CAAP1: variants seen among roughly 807,000 people sequenced by gnomAD.
CAAP1 encodes the protein caspase activity and apoptosis inhibitor 1.
CAAP1 carries 20 observed loss-of-function variants against 34.0 expected under a neutral mutation model. The ratio of observed to expected loss-of-function variants is 0.59; its 90% CI spans 0.41 to 0.86. CAAP1 has a LOEUF of 0.86. Among genes scored for constraint, CAAP1 ranks in the 40% least tolerant of loss-of-function variants. The probability of loss-of-function intolerance (pLI) is 0.00; values close to 1 mark genes in which losing one functional copy is unlikely to be tolerated. For synonymous variants in CAAP1, 213 were observed against 166.7 expected (o/e 1.28, Z -2.14); for missense variants, 538 against 450.5 (o/e 1.19, Z -1.76).
At chr9:26,883,921 T>G (rs1823662601) in intron 4 of CAAP1, among the ~76,000 whole-genome samples, 1 of 152,180 alleles carries the variant, frequency 6.6e-6, no homozygotes, top group South Asian at 2.1e-4. Context: ...ACTCTATGTT[T>G]TCATATAAAT....
chr9:26,868,387 G>A (rs1823190443), intron 4 of CAAP1, among the ~76,000 whole-genome samples: 1 of 152,202 alleles, frequency 6.6e-6, no homozygotes, highest in Admixed American at 6.5e-5. Context: ...ATGCTCTGAA[G>A]ATGAAGGAAA....
At chr9:26,886,074 T>C (rs759794647) in intron 3 of CAAP1, 30 bp downstream of exon 3, 27 of 1,167,796 alleles carry the variant, frequency 2.3e-5, no homozygotes, top group Non-Finnish European at 3.0e-5. Flanking sequence ...AACTAAGAAG[T>C]TGCCAGAATG....
At chr9:26,875,157 G>A (rs1823395771) in intron 4 of CAAP1, among the ~76,000 whole-genome samples, 1 of 152,166 alleles carries the variant, frequency 6.6e-6, no homozygotes, top group African/African-American at 2.4e-5. Context: ...GGCCAAGGCA[G>A]GTGGATCACT....
chr9:26,862,455 A>G (rs1401302063), intron 4 of CAAP1, among the ~76,000 whole-genome samples: 1 of 152,150 alleles, frequency 6.6e-6, no homozygotes. Context: ...AACATCACCA[A>G]TAAGAGGAGG....
At chr9:26,844,862 T>C (rs1160746384) in intron 5 of CAAP1, among the ~76,000 whole-genome samples, 1 of 152,232 alleles carries the variant, frequency 6.6e-6, no homozygotes, top group Non-Finnish European at 1.5e-5. Context: ...TATTCTTGAA[T>C]TCTATTTCAC....
chr9:26,849,564 C>A (rs1822693609), intron 5 of CAAP1, among the ~76,000 whole-genome samples: 1 of 151,794 alleles, frequency 6.6e-6, no homozygotes, highest in South Asian at 2.1e-4. Flanking sequence ...AATTTTTATT[C>A]TTATTATTGT....
chr9:26,877,135 C>A (rs963947621), intron 4 of CAAP1, among the ~76,000 whole-genome samples: 1 of 152,056 alleles, frequency 6.6e-6, no homozygotes, highest in Non-Finnish European at 1.5e-5. Context: ...AAGAGCGAGA[C>A]CTGCCTCTAA....
chr9:26,890,005 G>A (rs1393318592), intron 1 of CAAP1, among the ~76,000 whole-genome samples: 6 of 152,026 alleles, frequency 3.9e-5, no homozygotes, highest in Admixed American at 3.3e-4. Context: ...ATTAGAAGAT[G>A]GGTTTAGTTC....
chr9:26,864,072 A>G (rs1300708734), intron 4 of CAAP1, among the ~76,000 whole-genome samples: 4 of 152,018 alleles, frequency 2.6e-5, no homozygotes, highest in African/African-American at 7.2e-5. Flanking sequence ...CTCTGTTTTT[A>G]TATTTCTAAC....
chr9:26,868,791 CAA>C (rs111936905), intron 4 of CAAP1, among the ~76,000 whole-genome samples: 1,699 of 152,152 alleles, frequency 0.011, 30 homozygotes, highest in African/African-American at 0.039. Context: ...AAAAAGCAAA[CAA>C]GAGACAATAG....
chr9:26,853,054 A>T (rs530161455), intron 5 of CAAP1, among the ~76,000 whole-genome samples: 1 of 152,352 alleles, frequency 6.6e-6, no homozygotes, highest in East Asian at 1.9e-4. Context: ...GGAAAGATGG[A>T]CTATGGATTT....
rs759683083 is a variant in CAAP1 at position 26,892,632 on chromosome 9, G to A, written c.84C>T (p.Ile28=). ...TGCTGCCGCTGGCCAACGCGGGTAC[G>A]ATGTCCGGGGCCGCGAGCGCTGCGG... is the stretch of plus-strand genomic sequence containing the variant. ...EAAAALAAPD[I]VPALASGSSG... Residue 28 remains isoleucine, a synonymous_variant, in exon 1 of 6, where the codon ATC becomes ATT. Transcript: ENST00000333916. 3.1e-6 allele frequency: 5 copies of A among 1,609,034 alleles called. No homozygotes were observed. Among genetic ancestry groups the A allele is most frequent in the South Asian group, 1.1e-5 (1 of 90,974 alleles).
intron 5 of CAAP1, among the ~76,000 whole-genome samples, chr9:26,849,627 G>A (rs377601001): frequency 1.1e-4 from 17 of 150,500 alleles, no homozygotes; most frequent in African/African-American, 3.7e-4. Flanking sequence ...TATTTTTCTT[G>A]GTGGATTTCA....
intron 5 of CAAP1, 88 bp downstream of exon 5, chr9:26,860,978 G>T: frequency 1.1e-6 from 1 of 902,054 alleles, no homozygotes; most frequent in Non-Finnish European, 1.8e-6. Flanking sequence ...GTAAAATGGG[G>T]TGAGTTAGAC....
chr9:26,849,600 C>A (rs1770222576), intron 5 of CAAP1, among the ~76,000 whole-genome samples: 1 of 151,544 alleles, frequency 6.6e-6, no homozygotes, highest in Admixed American at 6.6e-5. Context: ...TATTTTACCT[C>A]AGGCCCAACT....
intron 5 of CAAP1, among the ~76,000 whole-genome samples, chr9:26,846,445 A>AG (rs1822609176): frequency 6.7e-6 from 1 of 148,406 alleles, no homozygotes; most frequent in Non-Finnish European, 1.5e-5. Flanking sequence ...AAAAAGAAGA[A>AG]GAAAAAAAAG....
intron 4 of CAAP1, chr9:26,880,446 A>C: frequency 4.6e-6 from 1 of 219,612 alleles, no homozygotes; most frequent in Non-Finnish European, 9.7e-6. Flanking sequence ...TTTCTTCACC[A>C]CTCCAGGAGA....
At chr9:26,885,660 A>C (rs1006791795) in intron 3 of CAAP1, among the ~76,000 whole-genome samples, 4 of 152,192 alleles carry the variant, frequency 2.6e-5, no homozygotes, top group Non-Finnish European at 5.9e-5. Context: ...GTCACACTAC[A>C]GGCAGACAAA....
chr9:26,885,099 C>G (rs549506538), intron 3 of CAAP1, among the ~76,000 whole-genome samples: 58 of 120,552 alleles, frequency 4.8e-4, no homozygotes, highest in African/African-American at 1.7e-3. Context: ...TTTTTTTAGA[C>G]GGAGTGTCAC....
Sources: gnomAD v4.1 joint callset for allele counts (sites outside exome capture counted in the v4.1 genomes callset) on GRCh38, gnomAD v4.1.1 for gene constraint, MANE v1.5 for transcripts, NCBI Gene and HGNC (gene_info 2026-07-23, HGNC 2026-07-21) for gene names.